The following TENM1 variants were observed in gnomAD, a reference collection of about 807,000 sequenced individuals.
TENM1 encodes teneurin-1.
A neutral mutation model predicts 174.8 loss-of-function variants in TENM1; 35 were observed. The observed-to-expected ratio is 0.20, with a 90% CI of 0.15 to 0.27. The LOEUF is 0.27. TENM1 is among the 10% of genes least tolerant of loss of function. The pLI is 1.00. For missense variants in TENM1, 1,633 were observed against 2,130.1 expected (o/e 0.77, Z 4.59); for synonymous variants, 781 against 798.7 (o/e 0.98, Z 0.37).
In TENM1 at chrX:124,963,778, A is replaced by G. The variant is rs201338406; in HGVS notation, c.-25T>C. 56 of 1,168,109 alleles carry G rather than the reference A, an allele frequency of 4.8e-5. 1 individual carries two copies. In the Admixed American group the frequency reaches 5.1e-4, roughly 11 times the overall value. On this transcript the variant is annotated 5_prime_UTR_variant, in exon 1 of 32. The change abolishes an upstream ATG in the 5' untranslated region. Transcript: ENST00000422452. The stretch of plus-strand genomic sequence containing the variant: ...TCTCTGATTAAGCAAGCTCAGTTTC[A>G]TGAAAAAAAGGATGAGGAAGTCCTT...
chrX:125,080,977 A>G, the TENM1 span, among the ~76,000 whole-genome samples: 1 of 111,027 alleles, frequency 9.0e-6, no homozygotes, highest in Non-Finnish European at 1.9e-5. Context: ...AGCAAATGTC[A>G]GGCTTGTTTT....
chrX:125,163,892 T>C, the TENM1 span, among the ~76,000 whole-genome samples: 2 of 111,803 alleles, frequency 1.8e-5, no homozygotes, highest in Non-Finnish European at 3.8e-5. Context: ...CATATCTTAG[T>C]ACTGCCTGCC....
chrX:124,826,061 C>T (rs965482746), intron 3 of TENM1, among the ~76,000 whole-genome samples: 1 of 111,400 alleles, frequency 9.0e-6, no homozygotes, highest in Non-Finnish European at 1.9e-5. Flanking sequence ...GGAAGCTCTA[C>T]TGCTGAAATA....
the TENM1 span, among the ~76,000 whole-genome samples, chrX:125,092,800 A>G: frequency 8.9e-6 from 1 of 112,495 alleles, no homozygotes; most frequent in Non-Finnish European, 1.9e-5. Context: ...GTTGTTTACT[A>G]AAAATATTTC....
the TENM1 span, among the ~76,000 whole-genome samples, chrX:124,971,960 C>T: frequency 2.7e-5 from 3 of 111,280 alleles, no homozygotes; most frequent in African/African-American, 9.8e-5. Flanking sequence ...TCGGGCTAGG[C>T]GTGGTGGCTA....
At chrX:125,139,606 C>A in the TENM1 span, among the ~76,000 whole-genome samples, 1 of 110,741 alleles carries the variant, frequency 9.0e-6, no homozygotes, top group Non-Finnish European at 1.9e-5. Flanking sequence ...CCCAAAGAAA[C>A]CTTTTTAGGC....
chrX:124,640,763 A>T lies in TENM1; in HGVS notation c.2077+1028T>A, dbSNP rs1028925516. On this transcript the variant is annotated intron_variant, in intron 11 of 31. Transcript: ENST00000422452. ...ATCACGAGGTCAGGAGATCGAGACC[A>T]TCCTGGCTAACACGGTGAAACCCCA... Among the ~76,000 whole-genome samples the T allele has an allele frequency of 7.3e-5, 8 of 110,222 alleles. No homozygotes were observed. The Admixed American group carries it at 7.7e-4, about 11-fold the overall frequency.
chrX:125,183,267 G>A, the TENM1 span, among the ~76,000 whole-genome samples: 3 of 111,212 alleles, frequency 2.7e-5, no homozygotes, highest in Non-Finnish European at 5.7e-5. Flanking sequence ...CTGAAGGCTC[G>A]GCACCTCAGA....
At chrX:124,545,725 G>C (rs2048414212) in intron 15 of TENM1, among the ~76,000 whole-genome samples, 1 of 111,537 alleles carries the variant, frequency 9.0e-6, no homozygotes, top group Non-Finnish European at 1.9e-5. Context: ...TGTTATTGAA[G>C]CTGGAAGAAA....
In TENM1 at chrX:124,558,446, T is replaced by TA. The variant is rs2048740788; in HGVS notation, c.2434+3224dup. On this transcript the variant is annotated intron_variant, in intron 14 of 31. Transcript: ENST00000422452. ...AGAATTACATTTTTAAAATTAGAAC[T>TA]ACTTTTTCCCAAAACGGTTCAATTG... is the stretch of plus-strand genomic sequence containing the variant. Among the ~76,000 whole-genome samples the TA allele has an allele frequency of 4.5e-5, 5 of 111,723 alleles. No individual in the cohort carries two copies. In the Admixed American group the frequency reaches 4.8e-4, roughly 11 times the overall value.
chrX:124,588,499 A>C (rs1162010994), intron 11 of TENM1, among the ~76,000 whole-genome samples: 5 of 106,261 alleles, frequency 4.7e-5, no homozygotes, highest in African/African-American at 1.0e-4. Flanking sequence ...CAATGAGAAC[A>C]CATGGACACA....
At chrX:125,166,574 T>C in the TENM1 span, among the ~76,000 whole-genome samples, 15 of 111,736 alleles carry the variant, frequency 1.3e-4, no homozygotes, top group Non-Finnish European at 2.6e-4. Flanking sequence ...AATTTAATCT[T>C]ACAAGGAGAT....
At chrX:124,794,884 A>G (rs2055269305) in intron 3 of TENM1, among the ~76,000 whole-genome samples, 1 of 110,889 alleles carries the variant, frequency 9.0e-6, no homozygotes, top group Admixed American at 9.6e-5. Flanking sequence ...TTCTTCCACC[A>G]CAGGCCCTTT....
At chrX:124,586,304 C>A (rs972547629) in intron 11 of TENM1, among the ~76,000 whole-genome samples, 1 of 109,255 alleles carries the variant, frequency 9.2e-6, no homozygotes, top group African/African-American at 3.4e-5. Flanking sequence ...TACTGGCAAA[C>A]CGAATCCAGC....
chrX:124,917,542 A>G (rs892255153), intron 1 of TENM1, among the ~76,000 whole-genome samples: 2 of 111,549 alleles, frequency 1.8e-5, no homozygotes, highest in African/African-American at 6.5e-5. Context: ...CCTTCACTAT[A>G]TCACCTCCAC....
chrX:124,831,698 G>A (rs2056291557), intron 3 of TENM1, among the ~76,000 whole-genome samples: 1 of 111,669 alleles, frequency 9.0e-6, no homozygotes, highest in Middle Eastern at 4.6e-3. Context: ...AACTAATAAC[G>A]TAACACGTTA....
At chrX:124,573,413 T>A (rs1273968174) in intron 11 of TENM1, among the ~76,000 whole-genome samples, 2 of 111,607 alleles carry the variant, frequency 1.8e-5, no homozygotes, top group African/African-American at 6.5e-5. Context: ...GGGACTTTGT[T>A]TGTATTTATT....
the TENM1 span, among the ~76,000 whole-genome samples, chrX:125,001,852 T>C: frequency 2.9e-4 from 25 of 84,923 alleles, no homozygotes; most frequent in African/African-American, 8.2e-4. Flanking sequence ...TATAGATAGA[T>C]ACACACACAC....
intron 22 of TENM1, among the ~76,000 whole-genome samples, chrX:124,458,034 A>C (rs1162067310): frequency 2.7e-5 from 3 of 111,889 alleles, no homozygotes; most frequent in African/African-American, 9.7e-5. Flanking sequence ...ACTTCCAGGG[A>C]AATTCCTAAG....
Sources: allele counts gnomAD v4.1 joint callset (sites outside exome capture counted in the v4.1 genomes callset), GRCh38; gene constraint gnomAD v4.1.1; transcripts MANE v1.5; gene names NCBI Gene and HGNC (gene_info 2026-07-23, HGNC 2026-07-21).